MTUS1: variants seen among roughly 807,000 people sequenced by gnomAD.
MTUS1 encodes the protein microtubule-associated tumor suppressor 1.
MTUS1 carries 109 observed loss-of-function variants against 120.8 expected under a neutral mutation model. The observed-to-expected ratio is 0.90, with a 90% CI of 0.77 to 1.06. The LOEUF is 1.06. Ranked by LOEUF, MTUS1 falls within the 50% of genes least tolerant of loss-of-function variation. The pLI, the probability that MTUS1 is intolerant of heterozygous loss-of-function variation, is 0.00. For missense variants in MTUS1, 2,210 were observed against 1,486.3 expected, an observed-to-expected ratio of 1.49 and a Z score of -8.01; for synonymous variants, 737 against 550.5, an observed-to-expected ratio of 1.34 and a Z score of -4.74.
intron 6 of MTUS1, among the ~76,000 whole-genome samples, chr8:17,691,022 C>T (rs555879250): frequency 1.3e-5 from 2 of 152,156 alleles, no homozygotes; most frequent in Admixed American, 6.5e-5. Flanking sequence ...GGGTAATTAT[C>T]TATTAATTAA....
intron 7 of MTUS1, among the ~76,000 whole-genome samples, chr8:17,682,439 A>G (rs1202124664): frequency 6.8e-6 from 1 of 146,424 alleles, no homozygotes; most frequent in Non-Finnish European, 1.5e-5. Context: ...AATCACTTGA[A>G]CCCGGGAGGT....
At chr8:17,691,036 GAATA>G (rs1585721729) in intron 6 of MTUS1, among the ~76,000 whole-genome samples, 2 of 152,164 alleles carry the variant, frequency 1.3e-5, no homozygotes, top group East Asian at 1.9e-4. Context: ...TAATTAACCA[GAATA>G]AATTGTTCTA....
intron 6 of MTUS1, among the ~76,000 whole-genome samples, chr8:17,688,771 TTACTC>T (rs1218683124): frequency 3.9e-5 from 6 of 152,246 alleles, no homozygotes; most frequent in African/African-American, 1.4e-4. Flanking sequence ...CATTAGCTGT[TTACTC>T]TAAAAGAGTT....
intron 3 of MTUS1, among the ~76,000 whole-genome samples, chr8:17,739,695 G>A (rs1437365389): frequency 6.6e-5 from 10 of 152,086 alleles, no homozygotes; most frequent in Non-Finnish European, 1.2e-4. Context: ...ATAGGGATAA[G>A]CCTCAAAGTT....
intron 1 of MTUS1, among the ~76,000 whole-genome samples, chr8:17,787,124 A>C (rs576898340): frequency 6.6e-6 from 1 of 152,294 alleles, no homozygotes; most frequent in Admixed American, 6.5e-5. Flanking sequence ...AGGACTGCCA[A>C]GGAGGGGCCA....
At chr8:17,704,167 G>C (rs1819682048) in intron 6 of MTUS1, 1 of 152,168 alleles carries the variant, frequency 6.6e-6, no homozygotes, top group South Asian at 2.1e-4. Context: ...TCAACATCCT[G>C]ATTTCAATTA....
chr8:17,801,005 G>A (rs2052641256), intron 1 of MTUS1, 56 bp downstream of exon 1: 1 of 152,136 alleles, frequency 6.6e-6, no homozygotes, highest in African/African-American at 2.4e-5. Flanking sequence ...GCGCTCGCCT[G>A]TCCCCTCCCC....
chr8:17,668,327 C>A (rs916714534), intron 8 of MTUS1, among the ~76,000 whole-genome samples: 4 of 152,020 alleles, frequency 2.6e-5, no homozygotes, highest in Admixed American at 2.6e-4. Context: ...GATTGGACAC[C>A]CCTGATTTAG....
At position 17,696,052 on chromosome 8, in the gene MTUS1, T is replaced by C. The variant is rs190418456; in HGVS notation, c.2624-11510A>G. Among the ~76,000 whole-genome samples the C allele has an allele frequency of 1.3e-4, 20 of 152,286 alleles. No homozygotes were observed. In the East Asian group the frequency reaches 3.7e-3, roughly 28 times the overall value. ...GAGCTACTTTAGATCAGACAAATTA[T>C]TGCAAATATAGGGCACCCTTTGTTA... is the stretch of plus-strand genomic sequence containing the variant. On this transcript the variant is annotated intron_variant, in intron 6 of 14. Coordinates refer to ENST00000693296, the MANE Select transcript of MTUS1 (RefSeq NM_001363059.2).
intron 3 of MTUS1, among the ~76,000 whole-genome samples, chr8:17,732,848 T>C (rs2046681734): frequency 6.6e-6 from 1 of 152,024 alleles, no homozygotes; most frequent in Non-Finnish European, 1.5e-5. Context: ...TTCAAGCACA[T>C]ACCTAGAATC....
rs753621047 is a variant in MTUS1, at chr8:17,755,454, T to G, written c.354A>C (p.Gln118His). 6.2e-7 allele frequency: 1 copy of G among 1,614,222 alleles called. No individual in the cohort carries two copies. The highest frequency in any genetic ancestry group is 2.2e-5 in the East Asian group (1 of 44,878). Reference protein sequence around the residue: ...LVGTEKPKYLQHSCHSLEAVE... With the variant: ...LVGTEKPKYLHHSCHSLEAVE... ...CTGCTTCTAGGGAATGACAACTGTGTTGCAGATATTTGGGCTTCTCAGTAC... is the reference window on the plus strand; with the variant it reads ...CTGCTTCTAGGGAATGACAACTGTGGTGCAGATATTTGGGCTTCTCAGTAC... Residue 118 changes from glutamine to histidine, a missense_variant, in exon 2 of 15, where the codon CAA becomes CAC. By Grantham distance (24) the Gln-to-His change is conservative. Coordinates refer to ENST00000693296, the MANE Select transcript of MTUS1 (RefSeq NM_001363059.2).
At chr8:17,787,683 G>A (rs945909877) in intron 1 of MTUS1, among the ~76,000 whole-genome samples, 3 of 152,174 alleles carry the variant, frequency 2.0e-5, no homozygotes, top group Non-Finnish European at 4.4e-5. Flanking sequence ...TCATAGGGTC[G>A]TTTTAGAGTT....
chr8:17,757,978 T>C (rs1040269955), intron 1 of MTUS1, among the ~76,000 whole-genome samples: 4 of 152,190 alleles, frequency 2.6e-5, no homozygotes, highest in East Asian at 3.9e-4. Context: ...AAGTGTAAAT[T>C]TGTTAACTCT....
chr8:17,671,591 G>C lies in MTUS1; in HGVS notation c.2905+3595C>G, dbSNP rs568881963. 4.6e-5 allele frequency among the ~76,000 whole-genome samples: 7 copies of C among 152,230 alleles called. No homozygotes were observed. The South Asian group carries it at 1.5e-3, about 32-fold the overall frequency. On this transcript the variant is annotated intron_variant, in intron 8 of 14. Transcript: ENST00000693296. ...GGACACTGCCACAGTGAGACTGAGGGAACAACGGGAAAGTCAGTGGATGCT... is the reference window on the plus strand; with the variant it reads ...GGACACTGCCACAGTGAGACTGAGGCAACAACGGGAAAGTCAGTGGATGCT...
chr8:17,728,147 G>A (rs564422392), intron 3 of MTUS1, among the ~76,000 whole-genome samples: 5 of 152,302 alleles, frequency 3.3e-5, no homozygotes, highest in African/African-American at 1.2e-4. Flanking sequence ...GGCTGGTGGG[G>A]AAGGGAAATG....
intron 6 of MTUS1, among the ~76,000 whole-genome samples, chr8:17,711,762 A>G (rs1204544848): frequency 3.9e-5 from 6 of 152,190 alleles, no homozygotes; most frequent in Non-Finnish European, 7.3e-5. Flanking sequence ...ATTAAACTCA[A>G]TCATTTCTAT....
At chr8:17,722,679 C>A in intron 4 of MTUS1, 1 of 421,538 alleles carries the variant, frequency 2.4e-6, no homozygotes, top group Non-Finnish European at 3.2e-6. Context: ...AATTCCCTCA[C>A]ATAGCTGCTG....
intron 3 of MTUS1, chr8:17,724,077 C>G (rs1022879060): frequency 3.5e-6 from 2 of 572,052 alleles, no homozygotes; most frequent in African/African-American, 1.9e-5. Context: ...AGGAGTAACC[C>G]TGTCTCCTAA....
Position 17,775,056 on chromosome 8 carries a change from T to C in MTUS1, c.-154-19095A>G, listed in dbSNP as rs992018928. ...AAAGCACCTGGAGTAGTCAAATGAA[T>C]AGAGACAGAAAGTCAATTCGAGGTT... On this transcript the variant is annotated intron_variant, in intron 1 of 14. Transcript: ENST00000693296. Among the ~76,000 whole-genome samples the C allele has an allele frequency of 4.9e-5, 7 of 143,984 alleles. No homozygotes were observed. In the East Asian group the frequency reaches 1.4e-3, roughly 29 times the overall value. 94.5% of individuals were successfully genotyped at this position (143,984 alleles called of 152,430 possible). A position where few individuals can be genotyped will look rare whatever the true frequency, so the allele number is the denominator to read the frequency against.
Sources: gnomAD v4.1 joint callset for allele counts (sites outside exome capture counted in the v4.1 genomes callset) on GRCh38, gnomAD v4.1.1 for gene constraint, MANE v1.5 for transcripts, NCBI Gene and HGNC (gene_info 2026-07-23, HGNC 2026-07-21) for gene names.